The following RAB6A variants were observed in gnomAD, a reference collection of about 807,000 sequenced individuals.
RAB6A encodes the protein ras-related protein Rab-6A.
A neutral mutation model predicts 32.3 loss-of-function variants in RAB6A; 8 were observed. The observed-to-expected ratio is 0.25, with a 90% confidence interval of 0.15 to 0.45. The LOEUF (loss-of-function observed/expected upper bound fraction) is 0.45, where lower values mean the gene tolerates loss of function less well. Among genes scored for constraint, RAB6A ranks in the 20% least tolerant of loss-of-function variants. The pLI is 1.00. For missense variants in RAB6A, 104 were observed against 249.4 expected, an observed-to-expected ratio of 0.42 and a Z score of 3.93; for synonymous variants, 73 against 82.1, an observed-to-expected ratio of 0.89 and a Z score of 0.60.
At position 73,728,610 on chromosome 11, in the gene RAB6A, AAATAATAAT is replaced by A. The variant is rs71065031; in HGVS notation, c.129+2146_129+2154del. 1.6e-4 allele frequency among the ~76,000 whole-genome samples: 22 copies of A among 136,468 alleles called. No homozygotes were observed. The South Asian group carries it at 1.7e-3, about 10-fold the overall frequency. The allele number at this position is 136,468 out of a possible 152,430, so 89.5% of individuals were successfully genotyped here. On this transcript the variant is annotated intron_variant, in intron 2 of 7. Coordinates refer to ENST00000336083, the MANE Select transcript of RAB6A (RefSeq NM_198896.2). ...CAACATAGCAAATCTGTCTTTGTTT[AAATAATAAT>A]AATAATAATAATAATAATAATAATA... is the stretch of plus-strand genomic sequence containing the variant.
chr11:73,729,262 C>G (rs1302701761), intron 2 of RAB6A, among the ~76,000 whole-genome samples: 2 of 152,114 alleles, frequency 1.3e-5, no homozygotes, highest in African/African-American at 2.4e-5. Flanking sequence ...TTATGCCTGG[C>G]TAATTTTTGT....
At chr11:73,719,431 T>C (rs1381701692) in intron 3 of RAB6A, among the ~76,000 whole-genome samples, 2 of 152,194 alleles carry the variant, frequency 1.3e-5, no homozygotes, top group African/African-American at 4.8e-5. Context: ...CCCCAGAACA[T>C]GCGAGTGTGT....
intron 6 of RAB6A, among the ~76,000 whole-genome samples, chr11:73,681,636 C>T (rs1316625387): frequency 6.6e-6 from 1 of 152,112 alleles, no homozygotes; most frequent in African/African-American, 2.4e-5. Flanking sequence ...TGGTGAAACC[C>T]CGTCTCTACT....
At chr11:73,727,430 A>G (rs949795702) in intron 2 of RAB6A, among the ~76,000 whole-genome samples, 16 of 33,376 alleles carry the variant, frequency 4.8e-4, no homozygotes, top group Non-Finnish European at 6.6e-4. Context: ...TATCTCTTGG[A>G]AAAAAAAAAA....
At chr11:73,752,761 T>C (rs142854506) in intron 1 of RAB6A, among the ~76,000 whole-genome samples, 1 of 151,174 alleles carries the variant, frequency 6.6e-6, no homozygotes, top group African/African-American at 2.4e-5. Context: ...CAGGTTGCGG[T>C]GAGCTGAGAT....
At chr11:73,722,058 T>TATATATATATATA (rs1270436615) in intron 2 of RAB6A, among the ~76,000 whole-genome samples, 11 of 147,748 alleles carry the variant, frequency 7.4e-5, no homozygotes, top group Non-Finnish European at 1.2e-4. Context: ...TCTGCCATGA[T>TATATATATATATA]TGTAAGTTTC....
At chr11:73,736,296 G>C (rs1946392503) in intron 1 of RAB6A, among the ~76,000 whole-genome samples, 1 of 151,840 alleles carries the variant, frequency 6.6e-6, no homozygotes, top group Admixed American at 6.6e-5. Context: ...GGGTGTGGTG[G>C]CAGAGACCCA....
Position 73,760,746 on chromosome 11 carries a change from G to C in RAB6A, c.-111C>G, listed in dbSNP as rs1184948074. 4.7e-6 allele frequency: 7 copies of C among 1,478,514 alleles called. No individual in the cohort carries two copies. Among genetic ancestry groups the C allele is most frequent in the Non-Finnish European group, 6.4e-6 (7 of 1,091,960 alleles). 91.6% of individuals were successfully genotyped at this position (1,478,514 alleles called of 1,614,324 possible). A position where few individuals can be genotyped will look rare whatever the true frequency, so the allele number is the denominator to read the frequency against. On this transcript the variant is annotated 5_prime_UTR_variant, in exon 1 of 8. Coordinates refer to ENST00000336083, the MANE Select transcript of RAB6A (RefSeq NM_198896.2). The stretch of plus-strand genomic sequence containing the variant: ...GGAAGGGCGGGCACCGAGCTCTCTC[G>C]GCCCCTGCAAGGCCCGGTGGAGGAG...
chr11:73,681,446 T>C (rs189419686), intron 6 of RAB6A, among the ~76,000 whole-genome samples: 68 of 152,328 alleles, frequency 4.5e-4, no homozygotes, highest in African/African-American at 1.5e-3. Context: ...TAAGTATTAC[T>C]GAATTAAACG....
intron 7 of RAB6A, 132 bp from the exon 8 acceptor site, chr11:73,678,094 C>G: frequency 1.1e-6 from 1 of 897,862 alleles, no homozygotes; most frequent in Non-Finnish European, 1.8e-6. Flanking sequence ...TCTACATAGC[C>G]GCCTCACCAT....
At chr11:73,731,104 AAAC>A (rs34102453) in intron 1 of RAB6A, among the ~76,000 whole-genome samples, 29 of 151,918 alleles carry the variant, frequency 1.9e-4, no homozygotes, top group Admixed American at 5.3e-4. Context: ...AAGGCCAAGT[AAAC>A]ACTTACTTGG....
At chr11:73,681,531 G>C (rs1251195397) in intron 6 of RAB6A, among the ~76,000 whole-genome samples, 1 of 152,216 alleles carries the variant, frequency 6.6e-6, no homozygotes, top group Non-Finnish European at 1.5e-5. Context: ...AAATGTATCA[G>C]GCCAGACTTG....
At chr11:73,697,416 C>T (rs184971383) in intron 6 of RAB6A, among the ~76,000 whole-genome samples, 13 of 152,098 alleles carry the variant, frequency 8.5e-5, no homozygotes, top group African/African-American at 1.7e-4. Context: ...CTGCAACCTC[C>T]GCCTCACTGC....
In RAB6A at chr11:73,729,229, G is replaced by A. The variant is rs541273779; in HGVS notation, c.129+1536C>T. ...TTCTCCTGGCTCAGCCACCCAAGTA[G>A]CTGGGATTACAGGCGCCCACCATTA... On this transcript the variant is annotated intron_variant, in intron 2 of 7. Transcript: ENST00000336083. 5.9e-5 allele frequency among the ~76,000 whole-genome samples: 9 copies of A among 152,166 alleles called. No individual in the cohort carries two copies. In the South Asian group the frequency reaches 8.3e-4, roughly 14 times the overall value.
chr11:73,750,206 G>A (rs540959064), intron 1 of RAB6A, among the ~76,000 whole-genome samples: 12 of 152,086 alleles, frequency 7.9e-5, no homozygotes, highest in African/African-American at 1.7e-4. Flanking sequence ...ATCTCACAAC[G>A]GACAGGATAA....
intron 1 of RAB6A, among the ~76,000 whole-genome samples, chr11:73,758,538 G>A (rs61903178): frequency 3.3e-5 from 5 of 152,026 alleles, no homozygotes; most frequent in Admixed American, 1.3e-4. Context: ...GGAGGGGGGA[G>A]GGTAGTAGAG....
intron 6 of RAB6A, among the ~76,000 whole-genome samples, chr11:73,697,190 C>G (rs1945667817): frequency 6.6e-6 from 1 of 152,178 alleles, no homozygotes; most frequent in Non-Finnish European, 1.5e-5. Flanking sequence ...AAATGGCTCA[C>G]TTTCTCAATT....
chr11:73,687,554 T>C (rs1945478701), intron 6 of RAB6A, among the ~76,000 whole-genome samples: 2 of 152,154 alleles, frequency 1.3e-5, no homozygotes, highest in South Asian at 4.2e-4. Flanking sequence ...CATTATTCAT[T>C]GTTGAAAAGT....
intron 6 of RAB6A, among the ~76,000 whole-genome samples, chr11:73,702,780 C>T (rs1212585001): frequency 6.6e-6 from 1 of 151,912 alleles, no homozygotes; most frequent in Non-Finnish European, 1.5e-5. Context: ...ATACATTTAC[C>T]AAAACTCATC....
Sources: gnomAD v4.1 joint callset for allele counts (sites outside exome capture counted in the v4.1 genomes callset) on GRCh38, gnomAD v4.1.1 for gene constraint, MANE v1.5 for transcripts, NCBI Gene and HGNC (gene_info 2026-07-23, HGNC 2026-07-21) for gene names.